The following GNAI1 variants were observed in gnomAD, a reference collection of about 807,000 sequenced individuals.
The protein encoded by GNAI1 is G protein subunit alpha i1.
GNAI1 carries 11 observed loss-of-function variants against 38.9 expected under a neutral mutation model. That is an observed-to-expected ratio of 0.28 (90% CI 0.18 to 0.47). GNAI1 has a LOEUF of 0.47. Among genes scored for constraint, GNAI1 ranks in the 20% least tolerant of loss-of-function variants. The probability of loss-of-function intolerance (pLI) is 0.99; values close to 1 mark genes in which losing one functional copy is unlikely to be tolerated. For missense variants in GNAI1, 317 were observed against 436.9 expected (o/e 0.73, Z 2.45); for synonymous variants, 166 against 145.1 (o/e 1.14, Z -1.04).
chr7:80,191,513 T>C (rs1449664030), intron 3 of GNAI1, among the ~76,000 whole-genome samples: 1 of 152,104 alleles, frequency 6.6e-6, no homozygotes. Flanking sequence ...TGCCTCAGCC[T>C]CCCAAGTAGC....
intron 1 of GNAI1, among the ~76,000 whole-genome samples, chr7:80,166,055 G>T (rs1241739245): frequency 2.0e-5 from 3 of 152,088 alleles, no homozygotes; most frequent in Admixed American, 1.3e-4. Context: ...GCATGGTAAT[G>T]GCACAGTGCT....
intron 1 of GNAI1, among the ~76,000 whole-genome samples, chr7:80,180,352 TATAA>T (rs1425699244): frequency 6.6e-6 from 1 of 150,914 alleles, no homozygotes; most frequent in East Asian, 2.0e-4. Flanking sequence ...TGTGTGTGTA[TATAA>T]AGTGTAAATG....
intron 5 of GNAI1, among the ~76,000 whole-genome samples, chr7:80,210,203 T>C (rs1788848703): frequency 6.6e-6 from 1 of 152,174 alleles, no homozygotes; most frequent in Admixed American, 6.5e-5. Flanking sequence ...TTATAAAGTC[T>C]TATAAGAGAA....
intron 1 of GNAI1, among the ~76,000 whole-genome samples, chr7:80,176,217 A>G (rs567578098): frequency 1.3e-5 from 2 of 152,236 alleles, no homozygotes; most frequent in Non-Finnish European, 2.9e-5. Flanking sequence ...ACTAGCCACA[A>G]CATTCCCTTA....
intron 1 of GNAI1, among the ~76,000 whole-genome samples, chr7:80,172,611 G>A (rs968958824): frequency 3.6e-4 from 54 of 151,942 alleles, no homozygotes; most frequent in African/African-American, 1.3e-3. Context: ...CTCATTTCCA[G>A]TTTCTGTTTC....
At chr7:80,168,874 T>G (rs1243968280) in intron 1 of GNAI1, among the ~76,000 whole-genome samples, 3 of 152,218 alleles carry the variant, frequency 2.0e-5, no homozygotes, top group African/African-American at 7.2e-5. Context: ...AAATTTACCC[T>G]ACTGGTTTGA....
At chr7:80,163,088 G>A (rs1248204213) in intron 1 of GNAI1, among the ~76,000 whole-genome samples, 1 of 152,062 alleles carries the variant, frequency 6.6e-6, no homozygotes, top group Non-Finnish European at 1.5e-5. Context: ...GACACCCCTG[G>A]GTTTCATCTG....
At chr7:80,156,064 GAAAGA>G (rs1787813716) in intron 1 of GNAI1, among the ~76,000 whole-genome samples, 1 of 114,638 alleles carries the variant, frequency 8.7e-6, no homozygotes, top group East Asian at 2.3e-4. Context: ...AAAAAAAAAA[GAAAGA>G]AAGCAAGCTG....
chr7:80,138,681 T>C lies in GNAI1; in HGVS notation c.118+3403T>C, dbSNP rs189363457. On this transcript the variant is annotated intron_variant, in intron 1 of 7. Transcript: ENST00000649796. Reference sequence around the variant, plus strand: ...TATTTTATTATGTATTTGGAGGACATAAGATTTGACATACAAATAAATGAT... The same window carrying C: ...TATTTTATTATGTATTTGGAGGACACAAGATTTGACATACAAATAAATGAT... Among the ~76,000 whole-genome samples, 60 of 152,334 alleles carry C rather than the reference T, an allele frequency of 3.9e-4. No individual in the cohort carries two copies. The East Asian group carries it at 5.8e-3, about 15-fold the overall frequency.
intron 1 of GNAI1, among the ~76,000 whole-genome samples, chr7:80,173,921 A>G (rs1788139169): frequency 6.6e-6 from 1 of 152,160 alleles, no homozygotes. Context: ...ATTGGGAAAT[A>G]TCAACCCCAG....
intron 3 of GNAI1, among the ~76,000 whole-genome samples, chr7:80,193,101 TG>T (rs1258724131): frequency 6.6e-6 from 1 of 152,164 alleles, no homozygotes; most frequent in Non-Finnish European, 1.5e-5. Context: ...ATGGATTAGT[TG>T]GCACCTGGTA....
In GNAI1 at chr7:80,220,994, C is replaced by G. The variant is rs1328368732; in HGVS notation, c.*3501C>G. 2.6e-5 allele frequency among the ~76,000 whole-genome samples: 4 copies of G among 152,184 alleles called. No homozygotes were observed. In the East Asian group the frequency reaches 7.7e-4, roughly 29 times the overall value. ...TTAGATGTGAAGCTACTTAAGAGCACAGTTACCATTTTTTACATCATTTGC... is the reference window on the plus strand; with the variant it reads ...TTAGATGTGAAGCTACTTAAGAGCAGAGTTACCATTTTTTACATCATTTGC... On this transcript the variant is annotated 3_prime_UTR_variant, in exon 8 of 8. Coordinates refer to ENST00000649796, the MANE Select transcript of GNAI1 (RefSeq NM_002069.6).
chr7:80,144,559 C>T (rs1405255917), intron 1 of GNAI1, among the ~76,000 whole-genome samples: 2 of 152,092 alleles, frequency 1.3e-5, no homozygotes, highest in African/African-American at 2.4e-5. Context: ...TATGAAACTC[C>T]TCCTGTTACC....
chr7:80,189,281 T>A (rs773073151), intron 3 of GNAI1, 50 bp downstream of exon 3: 1 of 1,498,400 alleles, frequency 6.7e-7, no homozygotes, highest in South Asian at 1.2e-5. Flanking sequence ...AAAGAATAAC[T>A]TGTATGCTAA....
At chr7:80,144,514 TA>T (rs1216840769) in intron 1 of GNAI1, among the ~76,000 whole-genome samples, 1 of 152,150 alleles carries the variant, frequency 6.6e-6, no homozygotes, top group African/African-American at 2.4e-5. Flanking sequence ...TAATAAATTG[TA>T]AAATGAGTTC....
intron 4 of GNAI1, among the ~76,000 whole-genome samples, chr7:80,200,063 C>G (rs1788650655): frequency 6.6e-6 from 1 of 151,838 alleles, no homozygotes; most frequent in African/African-American, 2.4e-5. Flanking sequence ...TGCTTGTAAT[C>G]CCAGCACTTT....
Position 80,226,047 on chromosome 7 carries a change from G to A in GNAI1, c.*8554G>A, listed in dbSNP as rs1281544633. Among the ~76,000 whole-genome samples, 1 of 151,890 alleles carries A rather than the reference G, an allele frequency of 6.6e-6. No individual in the cohort carries two copies. Among genetic ancestry groups the A allele is most frequent in the Non-Finnish European group, 1.5e-5 (1 of 67,984 alleles). On this transcript the variant is annotated 3_prime_UTR_variant, in exon 8 of 8. Coordinates refer to ENST00000649796, the MANE Select transcript of GNAI1 (RefSeq NM_002069.6). Reference sequence around the variant, plus strand: ...AGTATGTTATTTTTGTTTTAAGTTTGGAAGAACCTGAATGATTAAACCTGA... The same window carrying A: ...AGTATGTTATTTTTGTTTTAAGTTTAGAAGAACCTGAATGATTAAACCTGA...
intron 1 of GNAI1, among the ~76,000 whole-genome samples, chr7:80,181,738 A>G (rs1219309932): frequency 6.6e-6 from 1 of 152,186 alleles, no homozygotes; most frequent in Non-Finnish European, 1.5e-5. Flanking sequence ...TTCAAAATCA[A>G]AGTGACAGTG....
chr7:80,199,193 T>G (rs1300128602), intron 3 of GNAI1, 32 bp from the exon 4 acceptor site: 12 of 1,536,786 alleles, frequency 7.8e-6, no homozygotes, highest in Non-Finnish European at 1.1e-5. Context: ...ACGTATCCCT[T>G]TTTACTTAAA....
Sources: gnomAD v4.1 joint callset for allele counts (sites outside exome capture counted in the v4.1 genomes callset) on GRCh38, gnomAD v4.1.1 for gene constraint, MANE v1.5 for transcripts, NCBI Gene and HGNC (gene_info 2026-07-23, HGNC 2026-07-21) for gene names.